Variants in FGF14 observed in about 807,000 individuals in gnomAD.
The protein encoded by FGF14 is fibroblast growth factor 14, also known as fibroblast growth factor homologous factor 4.
A neutral mutation model predicts 25.5 loss-of-function variants in FGF14; 5 were observed. The observed-to-expected ratio is 0.20, with a 90% CI of 0.10 to 0.41. FGF14 has a LOEUF of 0.41. FGF14 is among the 10% of genes least tolerant of loss of function. The pLI is 1.00. For synonymous variants in FGF14, 138 were observed against 118.3 expected (o/e 1.17, Z -1.08); for missense variants, 222 against 320.1 (o/e 0.69, Z 2.34).
intron 1 of FGF14, among the ~76,000 whole-genome samples, chr13:102,057,297 T>C (rs530393347): frequency 4.8e-4 from 73 of 152,286 alleles, no homozygotes; most frequent in African/African-American, 1.6e-3. Flanking sequence ...TATAGTTTAA[T>C]GAATATTTTA....
intron 1 of FGF14, among the ~76,000 whole-genome samples, chr13:102,309,995 T>C (rs1429946144): frequency 6.6e-6 from 1 of 152,186 alleles, no homozygotes; most frequent in East Asian, 1.9e-4. Context: ...TAAAAATATA[T>C]AAGGCATCCA....
intron 1 of FGF14, among the ~76,000 whole-genome samples, chr13:102,030,647 C>T (rs1275835556): frequency 2.6e-5 from 4 of 151,990 alleles, no homozygotes; most frequent in South Asian, 2.1e-4. Context: ...TCCAGGCGTA[C>T]GGCTTCACTG....
intron 1 of FGF14, among the ~76,000 whole-genome samples, chr13:102,039,959 A>T (rs184763182): frequency 6.8e-6 from 1 of 146,370 alleles, no homozygotes; most frequent in African/African-American, 2.5e-5. Flanking sequence ...AGCAAAAATT[A>T]CTTTGTGTTT....
intron 1 of FGF14, among the ~76,000 whole-genome samples, chr13:102,096,277 C>T (rs748890119): frequency 6.6e-6 from 1 of 151,892 alleles, no homozygotes; most frequent in Non-Finnish European, 1.5e-5. Context: ...AGATGATGAG[C>T]AGAATTAACT....
At position 101,715,726 on chromosome 13, in the gene FGF14, T is replaced by C; in HGVS notation, c.*7105A>G. On this transcript the variant is annotated 3_prime_UTR_variant, in exon 5 of 5. Coordinates refer to ENST00000376143, the MANE Select transcript of FGF14 (RefSeq NM_004115.4). ...GAACAGATAAATGCGAAGGAAACCA[T>C]GTATATTCACCACTAGGACAGGTTA... is the stretch of plus-strand genomic sequence containing the variant. 1.0e-6 allele frequency: 1 copy of C among 964,478 alleles called. No homozygotes were observed. The highest frequency in any genetic ancestry group is 1.3e-5 in the South Asian group (1 of 77,402). The allele number at this position is 964,478 out of a possible 1,614,324, so 59.7% of individuals were successfully genotyped here.
intron 1 of FGF14, among the ~76,000 whole-genome samples, chr13:102,260,089 G>C (rs1439613485): frequency 1.3e-5 from 2 of 151,912 alleles, no homozygotes; most frequent in East Asian, 3.9e-4. Flanking sequence ...GGAGGAGTCA[G>C]AGAACAAGAA....
At chr13:102,366,356 T>G (rs2057712526) in intron 1 of FGF14, 1 of 152,158 alleles carries the variant, frequency 6.6e-6, no homozygotes, top group Non-Finnish European at 1.5e-5. Context: ...CCAGTACCAG[T>G]GGTCAAGATG....
chr13:102,340,888 G>A (rs1437803374), intron 1 of FGF14, among the ~76,000 whole-genome samples: 1 of 152,172 alleles, frequency 6.6e-6, no homozygotes, highest in African/African-American at 2.4e-5. Context: ...AATCAAGAAG[G>A]ATTTGCTAAT....
chr13:102,303,404 G>A (rs1278648596), intron 1 of FGF14, among the ~76,000 whole-genome samples: 3 of 152,134 alleles, frequency 2.0e-5, no homozygotes, highest in Non-Finnish European at 4.4e-5. Context: ...TGAGGATGGG[G>A]ATTTGATCAT....
intron 3 of FGF14, among the ~76,000 whole-genome samples, chr13:101,770,851 A>C (rs1432957482): frequency 6.6e-6 from 1 of 152,164 alleles, no homozygotes; most frequent in Non-Finnish European, 1.5e-5. Context: ...AACATTATTT[A>C]AATCAAAGAA....
In FGF14 at chr13:101,901,567, T is replaced by C. The variant is rs564591776; in HGVS notation, c.193+14886A>G. 2.0e-5 allele frequency among the ~76,000 whole-genome samples: 3 copies of C among 151,990 alleles called. No individual in the cohort carries two copies. In the East Asian group the frequency reaches 5.8e-4, roughly 30 times the overall value. ...AAAAATACAAAAATCAGCTAGAGGT[T>C]ATGGTGTGCACCTGTAACCCCAGCT... On this transcript the variant is annotated intron_variant, in intron 1 of 4. Coordinates refer to ENST00000376143, the MANE Select transcript of FGF14 (RefSeq NM_004115.4).
intron 1 of FGF14, among the ~76,000 whole-genome samples, chr13:102,108,633 G>A (rs1288302475): frequency 6.6e-6 from 1 of 152,172 alleles, no homozygotes; most frequent in Non-Finnish European, 1.5e-5. Flanking sequence ...ATGCATAGAT[G>A]CAAGGGTGTG....
chr13:101,999,251 T>C (rs544962066), intron 1 of FGF14, among the ~76,000 whole-genome samples: 1 of 152,250 alleles, frequency 6.6e-6, no homozygotes, highest in South Asian at 2.1e-4. Context: ...CTGAAAGAAA[T>C]TGATTAAATT....
intron 1 of FGF14, among the ~76,000 whole-genome samples, chr13:102,177,670 A>C (rs657431): frequency 0.026 from 3,990 of 152,028 alleles, 172 homozygotes; most frequent in African/African-American, 0.091. Flanking sequence ...AGTCTGCTTG[A>C]GTGATTTCTC....
At chr13:102,105,251 C>T (rs2044852530) in intron 1 of FGF14, among the ~76,000 whole-genome samples, 1 of 152,072 alleles carries the variant, frequency 6.6e-6, no homozygotes. Flanking sequence ...AAGTATTTTT[C>T]CATTGTTTCA....
chr13:101,923,122 T>TA (rs1491175819), intron 1 of FGF14, among the ~76,000 whole-genome samples: 1 of 152,100 alleles, frequency 6.6e-6, no homozygotes, highest in Non-Finnish European at 1.5e-5. Flanking sequence ...TAAAGGTGTT[T>TA]ATACATAAAA....
At chr13:102,399,902 C>T (rs2058662627) in intron 1 of FGF14, among the ~76,000 whole-genome samples, 1 of 152,142 alleles carries the variant, frequency 6.6e-6, no homozygotes, top group Non-Finnish European at 1.5e-5. Context: ...CCTCAATTGC[C>T]ACCCCAAAGT....
At chr13:101,830,942 G>A (rs1400090402) in intron 3 of FGF14, among the ~76,000 whole-genome samples, 2 of 151,956 alleles carry the variant, frequency 1.3e-5, no homozygotes, top group Non-Finnish European at 2.9e-5. Flanking sequence ...TCATCACTCC[G>A]ATCCTCTTCT....
intron 3 of FGF14, chr13:101,779,001 G>C (rs6491642): frequency 0.39 from 59,626 of 151,942 alleles, 12,313 homozygotes; most frequent in East Asian, 0.76. Flanking sequence ...GCTCACCCTG[G>C]GAAAAACCAT....
Sources: gnomAD v4.1 joint callset for allele counts (sites outside exome capture counted in the v4.1 genomes callset) on GRCh38, gnomAD v4.1.1 for gene constraint, MANE v1.5 for transcripts, NCBI Gene and HGNC (gene_info 2026-07-23, HGNC 2026-07-21) for gene names.